PCDHA5: variants seen among roughly 807,000 people sequenced by gnomAD.
PCDHA5 encodes the protein protocadherin alpha 5.
PCDHA5 carries 43 observed loss-of-function variants against 61.6 expected under a neutral mutation model. The observed-to-expected ratio is 0.70, with a 90% CI of 0.55 to 0.90. The LOEUF (loss-of-function observed/expected upper bound fraction) is 0.90, where lower values mean the gene tolerates loss of function less well. Ranked by LOEUF, PCDHA5 falls within the 40% of genes least tolerant of loss-of-function variation. The pLI, the probability that PCDHA5 is intolerant of heterozygous loss-of-function variation, is 0.00. For synonymous variants in PCDHA5, 627 were observed against 543.9 expected, an observed-to-expected ratio of 1.15 and a Z score of -2.13; for missense variants, 1,298 against 1,222.7, an observed-to-expected ratio of 1.06 and a Z score of -0.92.
At chr5:140,894,317 A>G (rs2064424513) in intron 1 of PCDHA5, among the ~76,000 whole-genome samples, 1 of 152,034 alleles carries the variant, frequency 6.6e-6, no homozygotes, top group Non-Finnish European at 1.5e-5. Flanking sequence ...TTCTTAAATT[A>G]TAGATTTTAG....
rs377755323 is a variant in PCDHA5 at position 140,870,200 on chromosome 5, C to T, written c.2352+46073C>T. Reference sequence around the variant, plus strand: ...GTACGAGAGGACGCTCAGCCCAGCACGGTCATTGCCCTGATCAGCGTGTCT... The same window carrying T: ...GTACGAGAGGACGCTCAGCCCAGCATGGTCATTGCCCTGATCAGCGTGTCT... On this transcript the variant is annotated intron_variant, in intron 1 of 3. Transcript: ENST00000529859. 7 of 1,614,172 alleles carry T rather than the reference C, an allele frequency of 4.3e-6. No homozygotes were observed. The African/African-American group carries it at 5.3e-5, about 12-fold the overall frequency.
chr5:140,845,808 A>C (rs1780048238), intron 1 of PCDHA5, among the ~76,000 whole-genome samples: 1 of 149,776 alleles, frequency 6.7e-6, no homozygotes, highest in Non-Finnish European at 1.5e-5. Context: ...AGTGATAGGT[A>C]CATAATAAAA....
chr5:140,850,803 A>C, intron 1 of PCDHA5: 1 of 1,598,380 alleles, frequency 6.3e-7, no homozygotes, highest in African/African-American at 1.3e-5. Flanking sequence ...GACCGACCTC[A>C]TGGCCTTCAG....
At chr5:140,831,917 A>C (rs73791796) in intron 1 of PCDHA5, among the ~76,000 whole-genome samples, 1 of 152,160 alleles carries the variant, frequency 6.6e-6, no homozygotes, top group South Asian at 2.1e-4. Flanking sequence ...TGCTTAAAAA[A>C]TTTGCTACTA....
In PCDHA5 at chr5:140,883,376, G is replaced by T. The variant is rs1276182742; in HGVS notation, c.2352+59249G>T. On this transcript the variant is annotated intron_variant, in intron 1 of 3. Transcript: ENST00000529859. The stretch of plus-strand genomic sequence containing the variant: ...AGACACTCAGCCTAGCGCCATTATT[G>T]CCCTAATCAGTGTGTCCGATCGTGA... 25 of 1,613,998 alleles carry T rather than the reference G, an allele frequency of 1.5e-5. No homozygotes were observed. The highest frequency in any genetic ancestry group is 2.0e-5 in the Non-Finnish European group (24 of 1,180,022).
chr5:140,833,447 A>G lies in PCDHA5; in HGVS notation c.2352+9320A>G, dbSNP rs2150208593. On this transcript the variant is annotated intron_variant, in intron 1 of 3. Transcript: ENST00000529859. ...GATGGCTGAGCACTGAAATTTATCT[A>G]ATAAAATAAACTTACATTTTAAAAG... Among the ~76,000 whole-genome samples, 6 of 152,344 alleles carry G rather than the reference A, an allele frequency of 3.9e-5. No homozygotes were observed. The East Asian group carries it at 1.2e-3, about 29-fold the overall frequency.
rs2150341542 is a variant in PCDHA5, at chr5:140,842,668, C to A, written c.2352+18541C>A. 1.2e-5 allele frequency: 19 copies of A among 1,595,382 alleles called. 1 individual carries two copies. Among genetic ancestry groups the A allele is most frequent in the East Asian group, 2.2e-5 (1 of 44,804 alleles). ...TGTCTGTGGAGGTGGCCGACGTGAACGACAATGCTCCGGCGTTCGCGCAGC... is the reference window on the plus strand; with the variant it reads ...TGTCTGTGGAGGTGGCCGACGTGAAAGACAATGCTCCGGCGTTCGCGCAGC... On this transcript the variant is annotated intron_variant, in intron 1 of 3. Transcript: ENST00000529859.
At position 140,946,316 on chromosome 5, in the gene PCDHA5, G is replaced by C. The variant is rs1293160526; in HGVS notation, c.2353-32633G>C. ...CACACCTGGTAGAATGGCTATTATTGAAAGAGGAAAGATAACAAGTGATGG... is the reference window on the plus strand; with the variant it reads ...CACACCTGGTAGAATGGCTATTATTCAAAGAGGAAAGATAACAAGTGATGG... On this transcript the variant is annotated intron_variant, in intron 1 of 3. Transcript: ENST00000529859. Among the ~76,000 whole-genome samples, 3 of 151,662 alleles carry C rather than the reference G, an allele frequency of 2.0e-5. No individual in the cohort carries two copies. In the East Asian group the frequency reaches 5.8e-4, roughly 29 times the overall value.
At chr5:140,911,249 C>T (rs782367621) in intron 1 of PCDHA5, among the ~76,000 whole-genome samples, 4 of 152,152 alleles carry the variant, frequency 2.6e-5, no homozygotes, top group African/African-American at 4.8e-5. Context: ...AAAGTTTCAT[C>T]AGAATTTATA....
chr5:140,828,537 A>C, intron 1 of PCDHA5: 4 of 1,614,236 alleles, frequency 2.5e-6, no homozygotes, highest in Non-Finnish European at 3.4e-6. Context: ...AGGCTGCCAG[A>C]TTCTGTGTTT....
At chr5:140,829,840 G>A (rs1554132317) in intron 1 of PCDHA5, 3 of 1,613,938 alleles carry the variant, frequency 1.9e-6, no homozygotes, top group Non-Finnish European at 2.5e-6. Context: ...TGGTGCCGCG[G>A]TCACTGGGTG....
In PCDHA5 at chr5:140,850,163, G is replaced by A; in HGVS notation, c.2352+26036G>A. ...ACGTGACGCTGCAGGTGTTCGTGCTGGACGAGAACGACAATGCGCCGGCGC... is the reference window on the plus strand; with the variant it reads ...ACGTGACGCTGCAGGTGTTCGTGCTAGACGAGAACGACAATGCGCCGGCGC... On this transcript the variant is annotated intron_variant, in intron 1 of 3. Coordinates refer to ENST00000529859, the MANE Select transcript of PCDHA5 (RefSeq NM_018908.3). 14 of 1,594,908 alleles carry A rather than the reference G, an allele frequency of 8.8e-6. 2 individuals are homozygous for A. The highest frequency in any genetic ancestry group is 1.2e-5 in the Non-Finnish European group (14 of 1,167,784).
chr5:140,824,215 A>C, intron 1 of PCDHA5, 88 bp downstream of exon 1: 2 of 1,576,994 alleles, frequency 1.3e-6, no homozygotes, highest in Non-Finnish European at 1.7e-6. Context: ...GTATTTAAAA[A>C]TTATGTCTTA....
chr5:140,831,911 T>C (rs1554133416), intron 1 of PCDHA5, among the ~76,000 whole-genome samples: 1 of 152,164 alleles, frequency 6.6e-6, no homozygotes. Context: ...AGCAAGTGCT[T>C]AAAAAATTTG....
intron 1 of PCDHA5, among the ~76,000 whole-genome samples, chr5:140,924,043 G>C (rs2081638586): frequency 6.6e-6 from 1 of 152,176 alleles, no homozygotes; most frequent in Non-Finnish European, 1.5e-5. Flanking sequence ...AGACCTAAAA[G>C]TTCGGTACAT....
intron 3 of PCDHA5, among the ~76,000 whole-genome samples, chr5:140,992,975 T>G (rs2097535680): frequency 6.6e-6 from 1 of 152,178 alleles, no homozygotes; most frequent in Admixed American, 6.6e-5. Context: ...TGACAATGAT[T>G]AGGCCATGGG....
At position 140,927,553 on chromosome 5, in the gene PCDHA5, A is replaced by G. The variant is rs782577411; in HGVS notation, c.2353-51396A>G. 1.3e-5 allele frequency: 21 copies of G among 1,614,030 alleles called. No homozygotes were observed. The highest frequency in any genetic ancestry group is 9.3e-5 in the African/African-American group (7 of 74,932). ...CCGCTCAGGAGACGCACAAGTCACC[A>G]TCATTGTGGTGGACACAAATGACAA... On this transcript the variant is annotated intron_variant, in intron 1 of 3. Coordinates refer to ENST00000529859, the MANE Select transcript of PCDHA5 (RefSeq NM_018908.3).
chr5:140,884,555 G>A (rs1554181729), intron 1 of PCDHA5: 1 of 1,614,098 alleles, frequency 6.2e-7, no homozygotes. Flanking sequence ...CTCTGGGGAG[G>A]GCCCGCATAA....
chr5:140,908,604 C>T (rs1011069667), intron 1 of PCDHA5, among the ~76,000 whole-genome samples: 10 of 152,114 alleles, frequency 6.6e-5, no homozygotes, highest in African/African-American at 2.2e-4. Flanking sequence ...GATGGAAGGG[C>T]CTTGCTCCAA....
Sources: allele counts gnomAD v4.1 joint callset (sites outside exome capture counted in the v4.1 genomes callset), GRCh38; gene constraint gnomAD v4.1.1; transcripts MANE v1.5; gene names NCBI Gene and HGNC (gene_info 2026-07-23, HGNC 2026-07-21).